ANKRD26: variants seen among roughly 807,000 people sequenced by gnomAD.
ANKRD26 encodes the protein ankyrin repeat domain-containing protein 26.
ANKRD26 carries 141 observed loss-of-function variants against 208.7 expected under a neutral mutation model. The observed-to-expected ratio is 0.68, with a 90% CI of 0.59 to 0.78. The LOEUF (loss-of-function observed/expected upper bound fraction) is 0.78. ANKRD26 is among the 30% of genes least tolerant of loss of function. The probability of loss-of-function intolerance (pLI) is 0.00; values close to 1 mark genes in which losing one functional copy is unlikely to be tolerated. For synonymous variants in ANKRD26, 636 were observed against 660.4 expected, an observed-to-expected ratio of 0.96 and a Z score of 0.57; for missense variants, 1,889 against 1,938.7, an observed-to-expected ratio of 0.97 and a Z score of 0.48.
At chr10:27,056,458 G>A (rs2054842913) in intron 15 of ANKRD26, among the ~76,000 whole-genome samples, 3 of 152,000 alleles carry the variant, frequency 2.0e-5, no homozygotes, top group Admixed American at 6.6e-5. Flanking sequence ...AATTACAGGT[G>A]TGACCCAGCC....
In ANKRD26 at chr10:27,040,073, A is replaced by AT. The variant is rs1358981338; in HGVS notation, c.2266dup (p.Met756AsnfsTer6). 4 of 1,613,028 alleles carry AT rather than the reference A, an allele frequency of 2.5e-6. No homozygotes were observed. The Admixed American group carries it at 5.0e-5, about 20-fold the overall frequency. ...TTGTAGTACATTAACCTTGTCTTCC[A>AT]TTTTTTTAATTTTTACTGTAAGTAG... On this transcript the variant is annotated frameshift_variant, in exon 21 of 34. Transcript: ENST00000376087. LOFTEE classifies it high-confidence loss of function.
chr10:26,960,149 CAA>C, the ANKRD26 span, among the ~76,000 whole-genome samples: 3 of 136,704 alleles, frequency 2.2e-5, no homozygotes, highest in Admixed American at 7.3e-5. Context: ...ACCTTGTCTC[CAA>C]AAAAAAAAAG....
intron 16 of ANKRD26, 121 bp from the exon 17 acceptor site, chr10:27,049,100 T>C: frequency 1.3e-6 from 1 of 793,824 alleles, no homozygotes; most frequent in Non-Finnish European, 2.0e-6. Flanking sequence ...AATAAAAATA[T>C]TTTCTGCTTA....
rs767106612 is a variant in ANKRD26, at chr10:27,065,859, C to CTTTTTTTTTTT, written c.1269+617_1269+627dup. Among the ~76,000 whole-genome samples the CTTTTTTTTTTT allele has an allele frequency of 8.2e-5, 6 of 72,960 alleles. 1 individual carries two copies. The East Asian group carries it at 1.4e-3, about 17-fold the overall frequency. 47.9% of individuals were successfully genotyped at this position (72,960 alleles called of 152,430 possible). On this transcript the variant is annotated intron_variant, in intron 11 of 33. Coordinates refer to ENST00000376087, the MANE Select transcript of ANKRD26 (RefSeq NM_014915.3). Reference sequence around the variant, plus strand: ...ATAGGCTAACCTGAAATAATTCTTTCTTTTTTTTTTTTTTTTTTTTTTTTT... The same window carrying CTTTTTTTTTTT: ...ATAGGCTAACCTGAAATAATTCTTTCTTTTTTTTTTTTTTTTTTTTTTTTTTTTTTTTTTTT...
At chr10:27,042,239 T>C (rs541182591) in intron 20 of ANKRD26, among the ~76,000 whole-genome samples, 1 of 152,256 alleles carries the variant, frequency 6.6e-6, no homozygotes, top group African/African-American at 2.4e-5. Flanking sequence ...GAACAATATG[T>C]CCATATCCAA....
downstream of ANKRD26, among the ~76,000 whole-genome samples, chr10:26,990,777 T>C (rs1323918422): frequency 6.6e-6 from 1 of 152,056 alleles, no homozygotes; most frequent in African/African-American, 2.4e-5. Context: ...AGAAGAAAGA[T>C]AAAAACATAC....
chr10:26,961,670 C>A, the ANKRD26 span, among the ~76,000 whole-genome samples: 1 of 151,220 alleles, frequency 6.6e-6, no homozygotes, highest in African/African-American at 2.4e-5. Flanking sequence ...ATAGTGAAAC[C>A]TTGTCTCTAC....
chr10:26,997,262 C>T (rs946162495), intron 4 of ANKRD26, among the ~76,000 whole-genome samples: 1 of 152,064 alleles, frequency 6.6e-6, no homozygotes, highest in African/African-American at 2.4e-5. Context: ...CTAGATACAC[C>T]CATGATGCTA....
intron 9 of ANKRD26, among the ~76,000 whole-genome samples, chr10:27,071,907 C>G (rs2055517063): frequency 6.6e-6 from 1 of 152,186 alleles, no homozygotes; most frequent in African/African-American, 2.4e-5. Flanking sequence ...TTCCCTGACT[C>G]CAGGAGGGAC....
chr10:27,083,834 G>A (rs746355093), intron 5 of ANKRD26, among the ~76,000 whole-genome samples: 15 of 152,310 alleles, frequency 9.8e-5, no homozygotes, highest in East Asian at 1.9e-4. Context: ...AAAGGTTTAC[G>A]GAAGCACAGT....
rs552445114 is a variant in ANKRD26, at chr10:27,089,301, A to G, written c.639-2692T>C. ...TCGGTTCCTGAAAAATTCAAGGCAGAGGGCATAGCAGATGGCCCCCAGGGG... is the reference window on the plus strand; with the variant it reads ...TCGGTTCCTGAAAAATTCAAGGCAGGGGGCATAGCAGATGGCCCCCAGGGG... On this transcript the variant is annotated intron_variant, in intron 4 of 33. Transcript: ENST00000376087. Among the ~76,000 whole-genome samples, 82 of 152,356 alleles carry G rather than the reference A, an allele frequency of 5.4e-4. 1 individual carries two copies. The highest frequency in any genetic ancestry group is 1.9e-3 in the African/African-American group (80 of 41,588).
chr10:27,024,659 G>A (rs1432546082), intron 27 of ANKRD26, 100 bp from the exon 28 acceptor site: 1 of 659,414 alleles, frequency 1.5e-6, no homozygotes, highest in Non-Finnish European at 2.6e-6. Flanking sequence ...ATATGTTTAG[G>A]CATATAAAAT....
intron 16 of ANKRD26, among the ~76,000 whole-genome samples, chr10:27,050,759 C>T (rs2054626957): frequency 6.6e-6 from 1 of 152,082 alleles, no homozygotes; most frequent in Non-Finnish European, 1.5e-5. Context: ...TTTCATAAGG[C>T]AATTTCCTTT....
intron 27 of ANKRD26, among the ~76,000 whole-genome samples, chr10:27,025,559 T>C (rs1177902708): frequency 6.6e-6 from 1 of 152,152 alleles, no homozygotes; most frequent in Non-Finnish European, 1.5e-5. Context: ...ATTTTCAGTC[T>C]TATAATTCTC....
chr10:26,969,391 A>G (rs1470420452), downstream of ANKRD26, among the ~76,000 whole-genome samples: 2 of 152,238 alleles, frequency 1.3e-5, no homozygotes, highest in Non-Finnish European at 1.5e-5. Context: ...GCAAATACTC[A>G]GTGATCATAA....
chr10:27,052,205 C>A (rs1330756993), intron 16 of ANKRD26: 1 of 971,514 alleles, frequency 1.0e-6, no homozygotes, highest in Non-Finnish European at 1.2e-6. Context: ...AACTGTTAAA[C>A]TTAGTCTATG....
chr10:26,993,920 T>G (rs1274150056), intron 5 of ANKRD26, among the ~76,000 whole-genome samples: 1 of 152,148 alleles, frequency 6.6e-6, no homozygotes, highest in Non-Finnish European at 1.5e-5. Context: ...TGGGTGGCAG[T>G]GGCAAGGCAC....
chr10:26,972,389 C>T (rs2052163292), downstream of ANKRD26, among the ~76,000 whole-genome samples: 1 of 151,546 alleles, frequency 6.6e-6, no homozygotes, highest in South Asian at 2.1e-4. Flanking sequence ...AAATGAAAAA[C>T]CGAGGAATAA....
the ANKRD26 span, among the ~76,000 whole-genome samples, chr10:26,949,813 A>G: frequency 5.3e-5 from 8 of 152,140 alleles, no homozygotes; most frequent in African/African-American, 1.4e-4. Flanking sequence ...TCTTATAGTT[A>G]TTTTAATTGG....
Sources: gnomAD v4.1 joint callset for allele counts (sites outside exome capture counted in the v4.1 genomes callset) on GRCh38, gnomAD v4.1.1 for gene constraint, MANE v1.5 for transcripts, NCBI Gene and HGNC (gene_info 2026-07-23, HGNC 2026-07-21) for gene names.